STK32B: variants seen among roughly 807,000 people sequenced by gnomAD.
STK32B encodes serine/threonine-protein kinase 32B.
In STK32B, 43 loss-of-function variants were observed where a neutral mutation model predicts 52.6. That is an observed-to-expected ratio of 0.82 (90% CI 0.64 to 1.05). The LOEUF (loss-of-function observed/expected upper bound fraction) is 1.05, where lower values mean the gene tolerates loss of function less well. Ranked by LOEUF, STK32B falls within the 50% of genes least tolerant of loss-of-function variation. The pLI is 0.00. For synonymous variants in STK32B, 238 were observed against 204.3 expected (o/e 1.17, Z -1.41); for missense variants, 621 against 534.6 (o/e 1.16, Z -1.59).
chr4:5,140,235 G>A, intron 2 of STK32B: 3 of 1,455,316 alleles, frequency 2.1e-6, no homozygotes, highest in African/African-American at 2.8e-5. Flanking sequence ...ATCTAAGTGA[G>A]GAAAGTTGAA....
chr4:5,234,933 CA>C (rs1724522500), intron 3 of STK32B, among the ~76,000 whole-genome samples: 1 of 152,212 alleles, frequency 6.6e-6, no homozygotes, highest in African/African-American at 2.4e-5. Context: ...TGAATGTTAA[CA>C]ACACATAATT....
chr4:5,094,166 T>C (rs1425748203), intron 1 of STK32B, among the ~76,000 whole-genome samples: 3 of 152,102 alleles, frequency 2.0e-5, no homozygotes, highest in African/African-American at 4.8e-5. Flanking sequence ...TAGAGTGTAA[T>C]GATTCAAGAA....
At chr4:5,403,555 C>T (rs1577451192) in intron 5 of STK32B, among the ~76,000 whole-genome samples, 1 of 152,180 alleles carries the variant, frequency 6.6e-6, no homozygotes, top group East Asian at 1.9e-4. Context: ...CCTTATTGTA[C>T]CTCACATTTT....
At chr4:5,480,874 T>C (rs1577574111) in intron 11 of STK32B, among the ~76,000 whole-genome samples, 1 of 152,110 alleles carries the variant, frequency 6.6e-6, no homozygotes, top group African/African-American at 2.4e-5. Flanking sequence ...AGAATGATGG[T>C]TTCCAGCTTC....
chr4:5,156,475 C>G (rs987626469), intron 2 of STK32B, among the ~76,000 whole-genome samples: 1 of 152,160 alleles, frequency 6.6e-6, no homozygotes, highest in African/African-American at 2.4e-5. Context: ...CCAGCCCCTA[C>G]TCTTCACTCT....
At chr4:5,385,093 C>T (rs563464684) in intron 4 of STK32B, among the ~76,000 whole-genome samples, 63 of 152,112 alleles carry the variant, frequency 4.1e-4, no homozygotes, top group African/African-American at 1.5e-3. Flanking sequence ...AGACGGGTGA[C>T]GTGATGGCCC....
At chr4:5,444,164 T>G (rs6814733) in intron 6 of STK32B, among the ~76,000 whole-genome samples, 4,524 of 152,318 alleles carry the variant, frequency 0.03, 68 homozygotes, top group Middle Eastern at 0.071. Context: ...GTTTACCTAA[T>G]CAAGCCTGGG....
chr4:5,213,030 T>C (rs1273435029), intron 3 of STK32B, among the ~76,000 whole-genome samples: 2 of 152,226 alleles, frequency 1.3e-5, no homozygotes, highest in Admixed American at 6.5e-5. Flanking sequence ...TTCACTTAGT[T>C]GTATTTAAAT....
intron 11 of STK32B, among the ~76,000 whole-genome samples, chr4:5,493,999 G>C (rs1213091235): frequency 3.9e-5 from 6 of 152,182 alleles, no homozygotes; most frequent in East Asian, 1.9e-4. Flanking sequence ...TTACTTCCAA[G>C]TATGTGGTCA....
At chr4:5,493,954 T>C (rs1719971814) in intron 11 of STK32B, among the ~76,000 whole-genome samples, 1 of 152,286 alleles carries the variant, frequency 6.6e-6, no homozygotes, top group Admixed American at 6.5e-5. Flanking sequence ...CAGTTTGTTA[T>C]AATTTCTGAT....
chr4:5,494,022 G>C (rs1298280861), intron 11 of STK32B, among the ~76,000 whole-genome samples: 2 of 152,308 alleles, frequency 1.3e-5, no homozygotes, highest in South Asian at 2.1e-4. Flanking sequence ...TTTGGAATAG[G>C]TGTGGTGTGG....
At chr4:5,205,724 G>A (rs1722532467) in intron 3 of STK32B, among the ~76,000 whole-genome samples, 1 of 149,840 alleles carries the variant, frequency 6.7e-6, no homozygotes, top group Non-Finnish European at 1.5e-5. Flanking sequence ...GTGTGTGTGT[G>A]TGTGTGTGCA....
chr4:5,449,682 G>A (rs145158354), intron 7 of STK32B, among the ~76,000 whole-genome samples: 2 of 152,266 alleles, frequency 1.3e-5, no homozygotes, highest in African/African-American at 4.8e-5. Context: ...ATTTAGAGCT[G>A]CTCCCCGTCA....
rs577928838 is a variant in STK32B at position 5,396,086 on chromosome 4, G to A, written c.435-2121G>A. On this transcript the variant is annotated intron_variant, in intron 4 of 11. Transcript: ENST00000282908. The surrounding 1 kb of genome is among the most constrained non-coding windows in gnomAD (Gnocchi z 4.7). ...CACCGTGCCAGTTGTGTTAGCTTCC[G>A]GGGACTGCCACAGCAAATTACTGCA... 6.1e-4 allele frequency among the ~76,000 whole-genome samples: 93 copies of A among 152,292 alleles called. No individual in the cohort carries two copies. Among genetic ancestry groups the A allele is most frequent in the African/African-American group, 1.9e-3 (79 of 41,542 alleles).
chr4:5,436,943 A>G (rs1173487268), intron 6 of STK32B, among the ~76,000 whole-genome samples: 1 of 152,204 alleles, frequency 6.6e-6, no homozygotes. Flanking sequence ...TGCAAACATC[A>G]GTGAGCCAGA....
chr4:5,127,956 A>G (rs148691350), intron 1 of STK32B, among the ~76,000 whole-genome samples: 239 of 152,270 alleles, frequency 1.6e-3, no homozygotes, highest in African/African-American at 5.1e-3. Context: ...ACCATATAAG[A>G]TGTGACTTTG....
intron 3 of STK32B, among the ~76,000 whole-genome samples, chr4:5,316,627 A>G (rs1266294561): frequency 8.1e-4 from 6 of 7,384 alleles, no homozygotes; most frequent in Admixed American, 3.0e-3. Flanking sequence ...TATTATATAT[A>G]TAATATATAA....
intron 6 of STK32B, among the ~76,000 whole-genome samples, chr4:5,430,972 G>T (rs1051346619): frequency 6.6e-6 from 1 of 152,202 alleles, no homozygotes; most frequent in Non-Finnish European, 1.5e-5. Flanking sequence ...GGCAGAGGGT[G>T]GGGAGAGTAA....
At chr4:5,464,722 C>T (rs534701394) in intron 9 of STK32B, among the ~76,000 whole-genome samples, 29 of 152,294 alleles carry the variant, frequency 1.9e-4, no homozygotes, top group African/African-American at 7.0e-4. Flanking sequence ...ATGGCATTCT[C>T]AGCAAGGTTA....
Sources: gnomAD v4.1 joint callset for allele counts (sites outside exome capture counted in the v4.1 genomes callset) on GRCh38, gnomAD v4.1.1 for gene constraint, Gnocchi (gnomAD v3.1) non-coding constraint, MANE v1.5 for transcripts, NCBI Gene and HGNC (gene_info 2026-07-23, HGNC 2026-07-21) for gene names.